The following UBR2 variants were observed in gnomAD, a reference collection of about 807,000 sequenced individuals.
UBR2 encodes the protein E3 ubiquitin-protein ligase UBR2.
UBR2 carries 92 observed loss-of-function variants against 247.9 expected under a neutral mutation model. That is an observed-to-expected ratio of 0.37 (90% confidence interval 0.31 to 0.44). UBR2 has a LOEUF of 0.44. Among genes scored for constraint, UBR2 ranks in the 20% least tolerant of loss-of-function variants. UBR2 has a pLI of 1.00. For missense variants in UBR2, 1,613 were observed against 2,112.6 expected (o/e 0.76, Z 4.64); for synonymous variants, 672 against 693.5 (o/e 0.97, Z 0.49).
chr6:42,637,319 C>T, intron 15 of UBR2, 125 bp downstream of exon 15: 1 of 1,050,734 alleles, frequency 9.5e-7, no homozygotes, highest in Non-Finnish European at 1.4e-6. Context: ...TTAACTTATC[C>T]AATCATCACA....
chr6:42,668,922 CT>C (rs147433511), intron 34 of UBR2, among the ~76,000 whole-genome samples: 33,759 of 148,144 alleles, frequency 0.23, 3,781 homozygotes, highest in Middle Eastern at 0.26. Flanking sequence ...TCTATTACTA[CT>C]TTTTTTTTTT....
chr6:42,578,956 A>AAAAC (rs1209738719), intron 2 of UBR2, among the ~76,000 whole-genome samples: 14 of 118,674 alleles, frequency 1.2e-4, no homozygotes, highest in African/African-American at 3.8e-4. Flanking sequence ...CTCCATCTCA[A>AAAAC]AAACACACAC....
At chr6:42,612,987 G>A (rs1389668616) in intron 8 of UBR2, among the ~76,000 whole-genome samples, 1 of 152,076 alleles carries the variant, frequency 6.6e-6, no homozygotes, top group African/African-American at 2.4e-5. Flanking sequence ...TGTAATCCCA[G>A]CTACTCAGGA....
intron 8 of UBR2, among the ~76,000 whole-genome samples, chr6:42,614,368 G>GTACGTACATACATACGTATA (rs1794351335): frequency 6.6e-5 from 1 of 15,240 alleles, no homozygotes; most frequent in African/African-American, 2.1e-4. Context: ...ATATATGTGT[G>GTACGTACATACATACGTATA]TATGTGTGTA....
intron 4 of UBR2, among the ~76,000 whole-genome samples, chr6:42,599,011 T>A (rs1793179920): frequency 6.6e-6 from 1 of 152,176 alleles, no homozygotes; most frequent in Non-Finnish European, 1.5e-5. Context: ...GGTCTTCAGC[T>A]CCTGAACTCA....
At chr6:42,643,914 T>C (rs1048413871) in intron 18 of UBR2, among the ~76,000 whole-genome samples, 1 of 152,188 alleles carries the variant, frequency 6.6e-6, no homozygotes, top group Admixed American at 6.5e-5. Flanking sequence ...ATACAATTAT[T>C]TTAAAGCATT....
At chr6:42,663,125 T>C in intron 31 of UBR2, 133 bp from the exon 32 acceptor site, 2 of 739,082 alleles carry the variant, frequency 2.7e-6, no homozygotes, top group Non-Finnish European at 3.9e-6. Context: ...AAAATCATGT[T>C]AAAAATAATT....
intron 17 of UBR2, 30 bp downstream of exon 17, chr6:42,641,722 T>G (rs1171637909): frequency 1.3e-6 from 2 of 1,564,620 alleles, no homozygotes; most frequent in African/African-American, 2.7e-5. Flanking sequence ...ATGAAGAGTT[T>G]TCATTCCATT....
At chr6:42,647,041 C>T (rs566821757) in intron 21 of UBR2, among the ~76,000 whole-genome samples, 182 of 151,792 alleles carry the variant, frequency 1.2e-3, no homozygotes, top group African/African-American at 4.1e-3. Context: ...AGGCTGGTCT[C>T]GAACTCCTGG....
chr6:42,619,820 C>A, intron 11 of UBR2: 1 of 411,468 alleles, frequency 2.4e-6, no homozygotes, highest in Non-Finnish European at 3.3e-6. Flanking sequence ...TGGGCTTAGG[C>A]AATCCTCCTG....
intron 1 of UBR2, among the ~76,000 whole-genome samples, chr6:42,569,335 G>A (rs1282018322): frequency 1.3e-5 from 2 of 152,158 alleles, no homozygotes; most frequent in African/African-American, 4.8e-5. Flanking sequence ...TTTTGCCTGT[G>A]TTTTGATTAC....
At chr6:42,588,167 A>G (rs972045449) in intron 2 of UBR2, among the ~76,000 whole-genome samples, 2 of 152,192 alleles carry the variant, frequency 1.3e-5, no homozygotes, top group African/African-American at 2.4e-5. Context: ...GGTCTCCATT[A>G]GCTCCTCTTT....
At chr6:42,684,168 G>T (rs577074827) in intron 43 of UBR2, among the ~76,000 whole-genome samples, 53 of 152,222 alleles carry the variant, frequency 3.5e-4, no homozygotes, top group African/African-American at 1.2e-3. Context: ...GAATAACCTT[G>T]GGAACTTTTG....
intron 13 of UBR2, among the ~76,000 whole-genome samples, chr6:42,633,697 T>G (rs950555182): frequency 2.7e-5 from 4 of 150,370 alleles, no homozygotes; most frequent in South Asian, 2.1e-4. Flanking sequence ...GGCCAGTTTT[T>G]GGGGTTGTTT....
At chr6:42,682,609 GGGCTTTTGCCATATTGCCCA>G (rs796900301) in intron 42 of UBR2, among the ~76,000 whole-genome samples, 2 of 152,096 alleles carry the variant, frequency 1.3e-5, no homozygotes, top group African/African-American at 4.8e-5. Flanking sequence ...TAGTAGAGAA[GGGCTTTTGCCATATTGCCCA>G]GGCTGGTCTC....
intron 2 of UBR2, among the ~76,000 whole-genome samples, chr6:42,582,718 CAA>C (rs1055602000): frequency 6.6e-6 from 1 of 151,984 alleles, no homozygotes; most frequent in Non-Finnish European, 1.5e-5. Flanking sequence ...GAAAAAAACA[CAA>C]GTCCTTAAAA....
intron 11 of UBR2, among the ~76,000 whole-genome samples, chr6:42,623,978 G>C (rs1291468773): frequency 6.6e-6 from 1 of 151,882 alleles, no homozygotes; most frequent in East Asian, 1.9e-4. Flanking sequence ...ACCCTTATTT[G>C]TGAGAGAGAT....
chr6:42,662,336 A>G (rs185424641), intron 31 of UBR2, 59 bp downstream of exon 31: 34 of 1,061,416 alleles, frequency 3.2e-5, no homozygotes, highest in Non-Finnish European at 4.6e-5. Context: ...AATATTTTTT[A>G]AATAGAGGAA....
chr6:42,595,913 G>A (rs1792940992), intron 4 of UBR2, among the ~76,000 whole-genome samples: 1 of 151,668 alleles, frequency 6.6e-6, no homozygotes, highest in Admixed American at 6.6e-5. Context: ...ATGCCAAGTG[G>A]TCAAGGTTCC....
Sources: gnomAD v4.1 joint callset for allele counts (sites outside exome capture counted in the v4.1 genomes callset) on GRCh38, gnomAD v4.1.1 for gene constraint, MANE v1.5 for transcripts, NCBI Gene and HGNC (gene_info 2026-07-23, HGNC 2026-07-21) for gene names.